Variants in OAS1 observed in about 807,000 individuals in gnomAD.
OAS1 encodes the protein 2'-5'-oligoadenylate synthetase 1, also known as 2'-5'-oligoadenylate synthase 1.
In OAS1, 24 loss-of-function variants were observed where a neutral mutation model predicts 38.5. The observed-to-expected ratio is 0.62, with a 90% CI of 0.45 to 0.88. The LOEUF (loss-of-function observed/expected upper bound fraction) is 0.88. Ranked by LOEUF, OAS1 falls within the 40% of genes least tolerant of loss-of-function variation. OAS1 has a pLI of 0.00. For missense variants in OAS1, 482 were observed against 493.9 expected, an observed-to-expected ratio of 0.98 and a Z score of 0.23; for synonymous variants, 169 against 193.9, an observed-to-expected ratio of 0.87 and a Z score of 1.07.
intron 6 of OAS1, among the ~76,000 whole-genome samples, chr12:112,926,127 A>G (rs2043556599): frequency 6.6e-6 from 1 of 152,188 alleles, no homozygotes; most frequent in Non-Finnish European, 1.5e-5. Flanking sequence ...ATAATAATTT[A>G]TTAGAGGGCC....
At chr12:112,918,665 A>T (rs1301215266) in intron 5 of OAS1, 2 of 455,786 alleles carry the variant, frequency 4.4e-6, no homozygotes, top group African/African-American at 4.0e-5. Flanking sequence ...GTGGAAATGG[A>T]ATTCAAGCTC....
exon 7 of OAS1, chr12:112,931,931 C>A: frequency 1.4e-6 from 1 of 702,268 alleles, no homozygotes. Flanking sequence ...AGTGAACATG[C>A]GGTGAATTTG....
chr12:112,919,804 A>C lies in OAS1; in HGVS notation c.*251A>C. 7.2e-7 allele frequency: 1 copy of C among 1,385,688 alleles called. No homozygotes were observed. The highest frequency in any genetic ancestry group is 9.5e-7 in the Non-Finnish European group (1 of 1,047,460). 85.8% of individuals were successfully genotyped at this position (1,385,688 alleles called of 1,614,324 possible). On this transcript the variant is annotated 3_prime_UTR_variant, in exon 6 of 6. Coordinates refer to ENST00000202917, the MANE Select transcript of OAS1 (RefSeq NM_016816.4). ...CCTGAGAGAGAACAGAGAGATTTAG[A>C]TAAGAGAATGAAATTCCAGCCTTGA...
At chr12:112,915,610 T>C (rs905604660) in intron 3 of OAS1, among the ~76,000 whole-genome samples, 1 of 152,218 alleles carries the variant, frequency 6.6e-6, no homozygotes, top group Admixed American at 6.5e-5. Flanking sequence ...GAGCTCTTTT[T>C]TGGTGCCATA....
chr12:112,907,283 TGA>T (rs150398756), intron 1 of OAS1, 64 bp downstream of exon 1: 82,495 of 1,245,416 alleles, frequency 0.066, no homozygotes, highest in South Asian at 0.11. Context: ...AGATTGAGAA[TGA>T]GAGAGAGAGA....
chr12:112,908,735 G>A lies in OAS1; in HGVS notation c.380G>A (p.Gly127Asp), dbSNP rs201406745. ...TTTGAGGTCCAGGCTCCACGCTGGG[G>A]CAACCCCCGTGCGCTCAGCTTCGTA... The part of the protein sequence containing the change: ...VKFEVQAPRW[G>D]NPRALSFVLS... The change falls in exon 2 of 6, where the codon GGC (glycine) becomes GAC (aspartate). Residue 127 changes from glycine to aspartate, a missense_variant. Physicochemically the swap from Gly to Asp is moderately conservative, Grantham distance 94. Coordinates refer to ENST00000202917, the MANE Select transcript of OAS1 (RefSeq NM_016816.4). 1 of 1,614,196 alleles carries A rather than the reference G, an allele frequency of 6.2e-7. No individual in the cohort carries two copies. The highest frequency in any genetic ancestry group is 8.5e-7 in the Non-Finnish European group (1 of 1,180,028).
Position 112,919,549 on chromosome 12 carries a change from T to G in OAS1, c.1199T>G (p.Leu400Arg), listed in dbSNP as rs2043512608. ...QAEEDWTCTIL is the reference protein window; with the variant it reads ...QAEEDWTCTIR ...GAAGAGGACTGGACCTGCACCATCCTCTGAATGCCAGTGCATCTTGGGGGA... is the reference window on the plus strand; with the variant it reads ...GAAGAGGACTGGACCTGCACCATCCGCTGAATGCCAGTGCATCTTGGGGGA... The change falls in exon 6 of 6, where the codon CTC becomes CGC. Residue 400 changes from leucine (L) to arginine (R), a missense_variant. Physicochemically the swap from Leu to Arg is moderately radical, Grantham distance 102. Transcript: ENST00000202917. 1 of 1,614,078 alleles carries G rather than the reference T, an allele frequency of 6.2e-7. No individual in the cohort carries two copies.
downstream of OAS1, among the ~76,000 whole-genome samples, chr12:112,924,254 A>G (rs544272611): frequency 6.6e-6 from 1 of 152,274 alleles, no homozygotes; most frequent in African/African-American, 2.4e-5. Context: ...TGTGTCCTTG[A>G]GTTAACACAA....
chr12:112,910,074 CAA>C lies in OAS1; in HGVS notation c.470-976_470-975del, dbSNP rs548208513. Reference sequence around the variant, plus strand: ...GCTGAAGTACAATGGTTGTAAAAGACAAGAGGGAGAAGGCTGGTCACAGTGGC... The same window carrying C: ...GCTGAAGTACAATGGTTGTAAAAGACGAGGGAGAAGGCTGGTCACAGTGGC... On this transcript the variant is annotated intron_variant, in intron 2 of 5. Transcript: ENST00000202917. Among the ~76,000 whole-genome samples, 24 of 152,142 alleles carry C rather than the reference CAA, an allele frequency of 1.6e-4. No individual in the cohort carries two copies. The South Asian group carries it at 1.7e-3, about 11-fold the overall frequency.
In OAS1 at chr12:112,914,748, T is replaced by C. The variant is rs1161069843; in HGVS notation, c.655-1761T>C. 2.9e-4 allele frequency among the ~76,000 whole-genome samples: 40 copies of C among 136,402 alleles called. 1 individual carries two copies. The East Asian group carries it at 8.0e-3, about 27-fold the overall frequency. The allele number at this position is 136,402 out of a possible 152,430, so 89.5% of individuals were successfully genotyped here. A position where few individuals can be genotyped will look rare whatever the true frequency, so the allele number is the denominator to read the frequency against. On this transcript the variant is annotated intron_variant, in intron 3 of 5. Transcript: ENST00000202917. ...GGTATTTGTTTTTTTTTTTTTTTTT[T>C]CATTATTATACTTTAAGTTTTAGGG...
intron 3 of OAS1, among the ~76,000 whole-genome samples, chr12:112,914,957 C>T (rs551885998): frequency 6.6e-6 from 1 of 151,208 alleles, no homozygotes; most frequent in Non-Finnish European, 1.5e-5. Context: ...ATGTCCTTAG[C>T]CCACTTTTTG....
At chr12:112,914,103 G>A (rs182196852) in intron 3 of OAS1, among the ~76,000 whole-genome samples, 4 of 152,096 alleles carry the variant, frequency 2.6e-5, no homozygotes, top group South Asian at 4.1e-4. Context: ...CCCTTTCCCC[G>A]CAGTCCGCAA....
At chr12:112,918,461 G>A (rs966557433) in intron 5 of OAS1, 20 of 335,082 alleles carry the variant, frequency 6.0e-5, no homozygotes, top group Non-Finnish European at 7.2e-5. Flanking sequence ...TACGAGTGCC[G>A]GTGTCTTTTG....
downstream of OAS1, among the ~76,000 whole-genome samples, chr12:112,921,510 A>G (rs1442693865): frequency 2.0e-5 from 3 of 152,192 alleles, no homozygotes; most frequent in African/African-American, 7.2e-5. Context: ...CCAGGAGTAT[A>G]CCGGGATTGT....
chr12:112,908,543 C>T lies in OAS1; in HGVS notation c.188C>T (p.Ser63Phe), dbSNP rs752541022. The change falls in exon 2 of 6, where the codon TCC becomes TTC. Residue 63 changes from serine to phenylalanine, a missense_variant. By Grantham distance (155) the Ser-to-Phe change is radical. Coordinates refer to ENST00000202917, the MANE Select transcript of OAS1 (RefSeq NM_016816.4). ...VCVSKVVKGG[S>F]SGKGTTLRGR... ...TTTTGTCGTCTTTTTCAGGGTGGCTCCTCAGGCAAGGGCACCACCCTCAGA... is the reference window on the plus strand; with the variant it reads ...TTTTGTCGTCTTTTTCAGGGTGGCTTCTCAGGCAAGGGCACCACCCTCAGA... 4.4e-6 allele frequency: 7 copies of T among 1,607,028 alleles called. No homozygotes were observed. Among genetic ancestry groups the T allele is most frequent in the Non-Finnish European group, 6.0e-6 (7 of 1,176,336 alleles).
downstream of OAS1, among the ~76,000 whole-genome samples, chr12:112,923,023 A>T (rs971954623): frequency 1.3e-5 from 2 of 152,216 alleles, no homozygotes; most frequent in Non-Finnish European, 2.9e-5. Flanking sequence ...ATTCCCACAC[A>T]CATTTTCTTA....
At chr12:112,927,064 C>T (rs914039755) in intron 6 of OAS1, among the ~76,000 whole-genome samples, 8 of 152,270 alleles carry the variant, frequency 5.3e-5, no homozygotes, top group South Asian at 2.1e-4. Context: ...CCCTGAACAT[C>T]GCTATTATCC....
chr12:112,911,294 G>T (rs45542343), intron 3 of OAS1, 59 bp downstream of exon 3: 6 of 1,356,092 alleles, frequency 4.4e-6, no homozygotes, highest in East Asian at 5.0e-5. Context: ...GAGGAGGGGT[G>T]GGGGGAGGAG....
At chr12:112,923,677 T>C (rs1400012363), downstream of OAS1, among the ~76,000 whole-genome samples, 8 of 152,212 alleles carry the variant, frequency 5.3e-5, no homozygotes, top group Admixed American at 5.2e-4. Context: ...TTTCAGCCCG[T>C]TGATTGTTTC....
Sources: gnomAD v4.1 joint callset for allele counts (sites outside exome capture counted in the v4.1 genomes callset) on GRCh38, gnomAD v4.1.1 for gene constraint, MANE v1.5 for transcripts, NCBI Gene and HGNC (gene_info 2026-07-23, HGNC 2026-07-21) for gene names.